The following DAO variants were observed in gnomAD, a reference collection of about 807,000 sequenced individuals.
DAO encodes D-amino-acid oxidase.
A neutral mutation model predicts 50.1 loss-of-function variants in DAO; 51 were observed. That is an observed-to-expected ratio of 1.02 (90% confidence interval 0.81 to 1.29). The LOEUF is 1.29. Among genes scored for constraint, DAO ranks in the 50% most tolerant of loss-of-function variants. The probability of loss-of-function intolerance (pLI) is 0.00; values close to 1 mark genes in which losing one functional copy is unlikely to be tolerated. For synonymous variants in DAO, 160 were observed against 166.2 expected (o/e 0.96, Z 0.29); for missense variants, 436 against 439.4 (o/e 0.99, Z 0.07).
At position 108,896,942 on chromosome 12, in the gene DAO, G is replaced by A. The variant is rs1376503467; in HGVS notation, c.613-64G>A. 1.3e-5 allele frequency: 16 copies of A among 1,232,994 alleles called. 1 individual carries two copies. The Admixed American group carries it at 2.5e-4, about 19-fold the overall frequency. The allele number at this position is 1,232,994 out of a possible 1,614,324, so 76.4% of individuals were successfully genotyped here. A position where few individuals can be genotyped will look rare whatever the true frequency, so the allele number is the denominator to read the frequency against. ...CTTGTCAGGACATCTGGCCACAGAG[G>A]GGAGCAAGGGCAGCCACATTGACTC... On this transcript the variant is annotated intron_variant, in intron 7 of 10. Transcript: ENST00000228476.
In DAO at chr12:108,884,990, T is replaced by A; in HGVS notation, c.-9-8T>A. Reference sequence around the variant, plus strand: ...ATGATGTTGTGCCTCAACCCTTCCTTCCCACAGGCTGCTGCAATGCGTGTG... The same window carrying A: ...ATGATGTTGTGCCTCAACCCTTCCTACCCACAGGCTGCTGCAATGCGTGTG... On this transcript the variant is annotated splice_region_variant and splice_polypyrimidine_tract_variant and intron_variant, in intron 1 of 10. Coordinates refer to ENST00000228476, the MANE Select transcript of DAO (RefSeq NM_001917.5). The A allele has an allele frequency of 6.2e-7, 1 of 1,613,662 alleles. No homozygotes were observed. The highest frequency in any genetic ancestry group is 1.1e-5 in the South Asian group (1 of 91,066).
intron 2 of DAO, among the ~76,000 whole-genome samples, chr12:108,886,744 G>T (rs1261966789): frequency 6.6e-6 from 1 of 152,288 alleles, no homozygotes; most frequent in Admixed American, 6.5e-5. Context: ...GGGATTATAG[G>T]CATGAGCCAC....
At chr12:108,899,005 G>T (rs2039593656) in intron 9 of DAO, among the ~76,000 whole-genome samples, 1 of 152,180 alleles carries the variant, frequency 6.6e-6, no homozygotes, top group African/African-American at 2.4e-5. Context: ...AGAGCCCTTG[G>T]TTTTCACATT....
At chr12:108,890,980 C>T (rs1318516038) in intron 5 of DAO, among the ~76,000 whole-genome samples, 1 of 152,102 alleles carries the variant, frequency 6.6e-6, no homozygotes, top group Non-Finnish European at 1.5e-5. Flanking sequence ...CACCACCACA[C>T]CTGGCTAATT....
chr12:108,897,946 CAA>C (rs56246314), intron 8 of DAO, among the ~76,000 whole-genome samples: 103 of 129,106 alleles, frequency 8.0e-4, no homozygotes, highest in Admixed American at 3.6e-3. Flanking sequence ...GACCCCATCT[CAA>C]AAAAAAAAAA....
At chr12:108,894,550 C>T (rs931400479) in intron 7 of DAO, among the ~76,000 whole-genome samples, 183 bp downstream of exon 7, 2 of 152,096 alleles carry the variant, frequency 1.3e-5, no homozygotes, top group African/African-American at 2.4e-5. Context: ...TCAGGATTTC[C>T]TCTTGATCGT....
chr12:108,882,015 A>C (rs1321280085), intron 1 of DAO, among the ~76,000 whole-genome samples: 1 of 151,840 alleles, frequency 6.6e-6, no homozygotes, highest in Non-Finnish European at 1.5e-5. Flanking sequence ...GAAATGCAGG[A>C]CTCTGAAGCT....
intron 9 of DAO, among the ~76,000 whole-genome samples, chr12:108,899,129 A>T (rs2039594640): frequency 6.6e-6 from 1 of 152,076 alleles, no homozygotes; most frequent in South Asian, 2.1e-4. Context: ...ACAGTTGTTA[A>T]AATTATGGTG....
At chr12:108,884,246 C>T (rs1157844964) in intron 1 of DAO, among the ~76,000 whole-genome samples, 3 of 152,190 alleles carry the variant, frequency 2.0e-5, no homozygotes, top group African/African-American at 4.8e-5. Flanking sequence ...GTGCATTAAG[C>T]GTGTGTTGAG....
At position 108,885,111 on chromosome 12, in the gene DAO, C is replaced by T. The variant is rs146826262; in HGVS notation, c.105C>T (p.Tyr35=). 1.5e-5 allele frequency: 24 copies of T among 1,613,862 alleles called. No homozygotes were observed. Among genetic ancestry groups the T allele is most frequent in the African/African-American group, 1.1e-4 (8 of 75,046 alleles). Reference sequence around the variant, plus strand: ...TGCAGCCACTGGACATAAAGGTCTACGCGGACCGCTTCACCCCACTCACCA... The same window carrying T: ...TGCAGCCACTGGACATAAAGGTCTATGCGGACCGCTTCACCCCACTCACCA... ...SVLQPLDIKV[Y]ADRFTPLTTT... The change falls in exon 2 of 11, where the codon TAC becomes TAT. Residue 35 remains tyrosine, a synonymous_variant. Transcript: ENST00000228476.
At chr12:108,896,475 G>A (rs1281157553) in intron 7 of DAO, among the ~76,000 whole-genome samples, 1 of 149,360 alleles carries the variant, frequency 6.7e-6, no homozygotes, top group African/African-American at 2.5e-5. Context: ...AATGGAGGAA[G>A]TTCTGTATCT....
At chr12:108,882,494 C>A (rs1049293663) in intron 1 of DAO, among the ~76,000 whole-genome samples, 4 of 152,108 alleles carry the variant, frequency 2.6e-5, no homozygotes, top group Non-Finnish European at 5.9e-5. Flanking sequence ...GCCTGGGCGA[C>A]AAGAGTGAAA....
chr12:108,900,395 C>G lies in DAO; in HGVS notation c.913-9C>G. On this transcript the variant is annotated splice_polypyrimidine_tract_variant and intron_variant, in intron 10 of 10. Transcript: ENST00000228476. ...CGGACCTGGCCACCTTCTCTCTTGCCTCTCCTAGGTCATCCACAACTATGG... is the reference window on the plus strand; with the variant it reads ...CGGACCTGGCCACCTTCTCTCTTGCGTCTCCTAGGTCATCCACAACTATGG... 1 of 1,613,874 alleles carries G rather than the reference C, an allele frequency of 6.2e-7. No homozygotes were observed. The highest frequency in any genetic ancestry group is 1.3e-5 in the African/African-American group (1 of 75,056).
At position 108,896,987 on chromosome 12, in the gene DAO, T is replaced by TCAATGAATCACCTGC; in HGVS notation, c.613-18_613-17insAATGAATCACCTGCC. 1 of 1,603,842 alleles carries TCAATGAATCACCTGC rather than the reference T, an allele frequency of 6.2e-7. No individual in the cohort carries two copies. The highest frequency in any genetic ancestry group is 1.7e-5 in the Admixed American group (1 of 60,018). The stretch of plus-strand genomic sequence containing the variant: ...TGACTCACCTCCGCTGATGAGACTT[T>TCAATGAATCACCTGC]CCTGCCCTGAATCAACAGGTGGACG... On this transcript the variant is annotated intron_variant, in intron 7 of 10. Coordinates refer to ENST00000228476, the MANE Select transcript of DAO (RefSeq NM_001917.5).
intron 7 of DAO, among the ~76,000 whole-genome samples, chr12:108,895,759 G>A (rs1593165950): frequency 6.8e-6 from 1 of 147,766 alleles, no homozygotes; most frequent in Admixed American, 6.7e-5. Context: ...GTGTGTGAGG[G>A]TGTGTGTCTG....
chr12:108,894,175 T>G, intron 6 of DAO, 88 bp from the exon 7 acceptor site: 1 of 1,008,322 alleles, frequency 9.9e-7, no homozygotes, highest in Admixed American at 2.0e-5. Flanking sequence ...GTAGACAGAT[T>G]GAGGGTAGAA....
rs200952044 is a variant in DAO at position 108,892,939 on chromosome 12, G to A, written c.453-43G>A. 155 of 1,592,570 alleles carry A rather than the reference G, an allele frequency of 9.7e-5. No individual in the cohort carries two copies. In the African/African-American group the frequency reaches 2.0e-3, roughly 20 times the overall value. On this transcript the variant is annotated intron_variant, in intron 5 of 10. Coordinates refer to ENST00000228476, the MANE Select transcript of DAO (RefSeq NM_001917.5). ...GCCACCCTCTTGGTGGGATGGGGCAGATAGCTGAATACTGGGCTTTTTGAT... is the reference window on the plus strand; with the variant it reads ...GCCACCCTCTTGGTGGGATGGGGCAAATAGCTGAATACTGGGCTTTTTGAT...
In DAO at chr12:108,900,569, A is replaced by G; in HGVS notation, c.*34A>G. 1 of 1,611,896 alleles carries G rather than the reference A, an allele frequency of 6.2e-7. No individual in the cohort carries two copies. Among genetic ancestry groups the G allele is most frequent in the East Asian group, 2.2e-5 (1 of 44,826 alleles). ...GTGACTGCTGCCTCCCCCCACAAGAACTCCCTTCTCCCCTCAGCCAATGAA... is the reference window on the plus strand; with the variant it reads ...GTGACTGCTGCCTCCCCCCACAAGAGCTCCCTTCTCCCCTCAGCCAATGAA... On this transcript the variant is annotated 3_prime_UTR_variant, in exon 11 of 11. Coordinates refer to ENST00000228476, the MANE Select transcript of DAO (RefSeq NM_001917.5).
intron 10 of DAO, 123 bp downstream of exon 10, chr12:108,899,598 G>A (rs185260039): frequency 3.6e-6 from 3 of 832,770 alleles, no homozygotes; most frequent in African/African-American, 3.4e-5. Context: ...CAGGGGCAGT[G>A]GTGGCTAATA....
Sources: allele counts gnomAD v4.1 joint callset (sites outside exome capture counted in the v4.1 genomes callset), GRCh38; gene constraint gnomAD v4.1.1; transcripts MANE v1.5; gene names NCBI Gene and HGNC (gene_info 2026-07-23, HGNC 2026-07-21).